Variants in FAAH2 observed in about 807,000 individuals in gnomAD.
FAAH2 encodes the protein fatty-acid amide hydrolase 2.
A neutral mutation model predicts 36.9 loss-of-function variants in FAAH2; 60 were observed. The ratio of observed to expected loss-of-function variants is 1.63; its 90% CI spans 1.32 to 2.02. FAAH2 has a LOEUF of 2.02. Ranked by LOEUF, FAAH2 falls within the 30% of genes most tolerant of loss-of-function variation. FAAH2 has a pLI of 0.00. For synonymous variants in FAAH2, 214 were observed against 143.8 expected, an observed-to-expected ratio of 1.49 and a Z score of -3.49; for missense variants, 689 against 397.5, an observed-to-expected ratio of 1.73 and a Z score of -6.23.
the FAAH2 span, among the ~76,000 whole-genome samples, chrX:57,233,378 T>C: frequency 5.4e-5 from 6 of 111,979 alleles, no homozygotes; most frequent in Non-Finnish European, 1.1e-4. Context: ...TTTAAAAAAC[T>C]GTCATTGTGG....
chrX:57,400,718 G>T (rs753367253), intron 7 of FAAH2, among the ~76,000 whole-genome samples: 16 of 112,447 alleles, frequency 1.4e-4, no homozygotes, highest in Non-Finnish European at 2.8e-4. Flanking sequence ...TTCTCACTGA[G>T]GACCCTGGTG....
chrX:57,324,677 T>C (rs1434143343), intron 3 of FAAH2, among the ~76,000 whole-genome samples: 2 of 112,264 alleles, frequency 1.8e-5, no homozygotes, highest in Admixed American at 9.5e-5. Context: ...TTGTGATTTT[T>C]GCACATTGAT....
At chrX:57,217,575 G>A in the FAAH2 span, among the ~76,000 whole-genome samples, 12 of 111,343 alleles carry the variant, frequency 1.1e-4, no homozygotes, top group South Asian at 3.7e-4. Flanking sequence ...TTGCTTTGTC[G>A]AACATCAGTT....
intron 3 of FAAH2, among the ~76,000 whole-genome samples, chrX:57,328,529 T>C (rs1293810037): frequency 1.8e-5 from 2 of 111,685 alleles, no homozygotes; most frequent in East Asian, 5.6e-4. Context: ...GATCTTTCTT[T>C]CTATCTATAT....
At chrX:57,429,803 T>A (rs992725682) in intron 7 of FAAH2, among the ~76,000 whole-genome samples, 19 of 111,054 alleles carry the variant, frequency 1.7e-4, no homozygotes, top group African/African-American at 6.2e-4. Flanking sequence ...GATTATCGGA[T>A]AAAGAAAATG....
intron 10 of FAAH2, among the ~76,000 whole-genome samples, chrX:57,476,131 G>A (rs986261506): frequency 2.8e-4 from 31 of 111,565 alleles, no homozygotes; most frequent in African/African-American, 7.2e-4. Context: ...ATACAATAAC[G>A]TCATCTGCAA....
the FAAH2 span, among the ~76,000 whole-genome samples, chrX:57,260,367 G>T: frequency 9.0e-6 from 1 of 111,697 alleles, no homozygotes; most frequent in Non-Finnish European, 1.9e-5. Context: ...CAAAATAATT[G>T]CATTAAAAAT....
Position 57,394,916 on chromosome X carries a change from G to A in FAAH2, c.996+13887G>A. On this transcript the variant is annotated intron_variant, in intron 7 of 10. Coordinates refer to ENST00000374900, the MANE Select transcript of FAAH2 (RefSeq NM_174912.4). ...TATTTTACTGCACCCAACCACCACA[G>A]CATGCCTTCTGGCAATCTGCACCCC... The A allele has an allele frequency of 4.3e-6, 3 of 696,657 alleles. No homozygotes were observed. The South Asian group carries it at 6.4e-5, about 15-fold the overall frequency. The allele number at this position is 696,657 out of a possible 1,213,427, so 57.4% of individuals were successfully genotyped here.
chrX:57,300,639 C>T (rs1395604657), intron 2 of FAAH2, among the ~76,000 whole-genome samples: 1 of 111,721 alleles, frequency 9.0e-6, no homozygotes, highest in African/African-American at 3.3e-5. Context: ...AGCTCCTGCA[C>T]AGCAAAAGAA....
chrX:57,355,480 G>T (rs2054136354), intron 5 of FAAH2, among the ~76,000 whole-genome samples: 1 of 110,622 alleles, frequency 9.0e-6, no homozygotes, highest in South Asian at 3.7e-4. Context: ...TTCAGCAATG[G>T]TTTGTAGTTT....
At chrX:57,247,698 C>T in the FAAH2 span, among the ~76,000 whole-genome samples, 4 of 111,981 alleles carry the variant, frequency 3.6e-5, no homozygotes, top group African/African-American at 1.3e-4. Flanking sequence ...AAGTAAAAGA[C>T]CAGGACAAGT....
At chrX:57,421,403 A>C (rs757162047) in intron 7 of FAAH2, among the ~76,000 whole-genome samples, 54 of 112,128 alleles carry the variant, frequency 4.8e-4, no homozygotes, top group Middle Eastern at 4.6e-3. Flanking sequence ...AGTGACCCAT[A>C]ACATAATACC....
At chrX:57,400,185 T>G (rs931718367) in intron 7 of FAAH2, among the ~76,000 whole-genome samples, 5 of 112,418 alleles carry the variant, frequency 4.4e-5, no homozygotes, top group Non-Finnish European at 9.4e-5. Flanking sequence ...AACGGTTGTC[T>G]GACAGCCACA....
At chrX:57,332,979 A>C (rs184657434) in intron 4 of FAAH2, among the ~76,000 whole-genome samples, 1 of 111,710 alleles carries the variant, frequency 9.0e-6, no homozygotes, top group African/African-American at 3.2e-5. Context: ...AAAGCAGAAT[A>C]AAATTGGGAA....
At chrX:57,296,148 T>G (rs1244177387) in intron 2 of FAAH2, among the ~76,000 whole-genome samples, 1 of 112,397 alleles carries the variant, frequency 8.9e-6, no homozygotes, top group African/African-American at 3.2e-5. Context: ...ACAGGCAGAC[T>G]GCCTCCTCAA....
chrX:57,197,247 T>C, the FAAH2 span, among the ~76,000 whole-genome samples: 3 of 111,810 alleles, frequency 2.7e-5, no homozygotes, highest in Non-Finnish European at 3.8e-5. Context: ...GCTATTTTTT[T>C]CTGTAGATTG....
At chrX:57,474,294 C>T (rs980494919) in intron 10 of FAAH2, among the ~76,000 whole-genome samples, 8 of 110,843 alleles carry the variant, frequency 7.2e-5, no homozygotes, top group South Asian at 7.6e-4. Flanking sequence ...TGCACCTATC[C>T]GCCCATCATT....
At chrX:57,131,924 C>T in the FAAH2 span, among the ~76,000 whole-genome samples, 2 of 112,082 alleles carry the variant, frequency 1.8e-5, no homozygotes, top group Non-Finnish European at 3.8e-5. Flanking sequence ...ATCTCTTTAA[C>T]TGTGATGAGT....
chrX:57,380,402 C>A (rs973926117), intron 6 of FAAH2, among the ~76,000 whole-genome samples: 3 of 111,377 alleles, frequency 2.7e-5, no homozygotes, highest in African/African-American at 9.8e-5. Flanking sequence ...AACTGAGACT[C>A]AATATATCTA....
Sources: allele counts gnomAD v4.1 joint callset (sites outside exome capture counted in the v4.1 genomes callset), GRCh38; gene constraint gnomAD v4.1.1; transcripts MANE v1.5; gene names NCBI Gene and HGNC (gene_info 2026-07-23, HGNC 2026-07-21).